The following ARHGAP42 variants were observed in gnomAD, a reference collection of about 807,000 sequenced individuals.
ARHGAP42 encodes rho GTPase-activating protein 42.
In ARHGAP42, 63 loss-of-function variants were observed where a neutral mutation model predicts 125.0. That is an observed-to-expected ratio of 0.50 (90% CI 0.41 to 0.62). The LOEUF (loss-of-function observed/expected upper bound fraction) is 0.62. Ranked by LOEUF, ARHGAP42 falls within the 20% of genes least tolerant of loss-of-function variation. The probability of loss-of-function intolerance (pLI) is 0.00; values close to 1 mark genes in which losing one functional copy is unlikely to be tolerated. For synonymous variants in ARHGAP42, 339 were observed against 351.0 expected (o/e 0.97, Z 0.38); for missense variants, 766 against 1,024.2 (o/e 0.75, Z 3.44).
chr11:100,688,699 A>C (rs1322139788), intron 1 of ARHGAP42, among the ~76,000 whole-genome samples: 1 of 152,148 alleles, frequency 6.6e-6, no homozygotes, highest in African/African-American at 2.4e-5. Context: ...CTTTCCCAGG[A>C]GGTATTTGCA....
intron 1 of ARHGAP42, among the ~76,000 whole-genome samples, chr11:100,710,393 AT>A (rs757284837): frequency 3.6e-3 from 492 of 138,190 alleles, no homozygotes; most frequent in Middle Eastern, 3.8e-3. Context: ...TGCCTGGCTA[AT>A]TTTTTTTTTT....
chr11:100,760,344 C>A (rs1236979), intron 1 of ARHGAP42, among the ~76,000 whole-genome samples: 21,097 of 152,118 alleles, frequency 0.14, 1,791 homozygotes, highest in Non-Finnish European at 0.2. Flanking sequence ...AGTCAAAAAA[C>A]ATAGAGGAAA....
chr11:100,712,127 C>T (rs373277734), intron 1 of ARHGAP42, among the ~76,000 whole-genome samples: 45 of 152,256 alleles, frequency 3.0e-4, no homozygotes, highest in African/African-American at 1.1e-3. Context: ...TCTAAAGGAA[C>T]CTTGAGTTTT....
intron 3 of ARHGAP42, among the ~76,000 whole-genome samples, chr11:100,822,627 T>A (rs187269193): frequency 6.6e-6 from 1 of 152,304 alleles, no homozygotes; most frequent in African/African-American, 2.4e-5. Context: ...TGATTTAATC[T>A]GAAAGACTTC....
intron 1 of ARHGAP42, among the ~76,000 whole-genome samples, chr11:100,736,134 G>A (rs1006435237): frequency 1.3e-5 from 2 of 152,208 alleles, no homozygotes; most frequent in African/African-American, 2.4e-5. Context: ...AGATGATAAT[G>A]TGGTTAGCCC....
chr11:100,880,755 T>C (rs2135175843), intron 4 of ARHGAP42, among the ~76,000 whole-genome samples: 1 of 152,274 alleles, frequency 6.6e-6, no homozygotes, highest in African/African-American at 2.4e-5. Flanking sequence ...CATGCCAACA[T>C]CTATTATTTT....
intron 4 of ARHGAP42, among the ~76,000 whole-genome samples, chr11:100,873,110 C>G (rs1003511293): frequency 1.3e-5 from 2 of 152,208 alleles, no homozygotes; most frequent in African/African-American, 4.8e-5. Flanking sequence ...TGGAAATTCT[C>G]CAGTCAGCAC....
intron 4 of ARHGAP42, among the ~76,000 whole-genome samples, chr11:100,904,268 G>A (rs113401411): frequency 0.024 from 3,604 of 149,062 alleles, 145 homozygotes; most frequent in African/African-American, 0.084. Flanking sequence ...TTTTGAGATG[G>A]AGTCTTGCTC....
intron 3 of ARHGAP42, 86 bp from the exon 4 acceptor site, chr11:100,859,468 T>G: frequency 8.9e-7 from 1 of 1,122,600 alleles, no homozygotes; most frequent in Non-Finnish European, 1.3e-6. Flanking sequence ...ACAGTCTATT[T>G]GATACATTGG....
intron 1 of ARHGAP42, among the ~76,000 whole-genome samples, chr11:100,768,791 C>T (rs1862896896): frequency 6.6e-6 from 1 of 152,182 alleles, no homozygotes; most frequent in Non-Finnish European, 1.5e-5. Flanking sequence ...GTGCCAGGCA[C>T]AGTTCTAAAC....
chr11:100,850,831 A>G (rs879739991), intron 3 of ARHGAP42, among the ~76,000 whole-genome samples: 1 of 149,966 alleles, frequency 6.7e-6, no homozygotes, highest in Non-Finnish European at 1.5e-5. Context: ...AGCACTGGTG[A>G]CAGTTTTAGC....
intron 3 of ARHGAP42, among the ~76,000 whole-genome samples, chr11:100,820,555 A>T (rs1429023460): frequency 1.3e-5 from 2 of 152,192 alleles, no homozygotes; most frequent in Non-Finnish European, 2.9e-5. Flanking sequence ...AACATGGTTA[A>T]GTGAGGCTTA....
intron 1 of ARHGAP42, among the ~76,000 whole-genome samples, chr11:100,736,551 G>A (rs1357361574): frequency 6.6e-6 from 1 of 152,164 alleles, no homozygotes; most frequent in Admixed American, 6.5e-5. Context: ...TCCCTGCAGG[G>A]TGTCTCTGTG....
chr11:100,791,063 C>T (rs1863555689), intron 2 of ARHGAP42, among the ~76,000 whole-genome samples: 1 of 152,058 alleles, frequency 6.6e-6, no homozygotes, highest in Non-Finnish European at 1.5e-5. Context: ...GTGATGGGTG[C>T]TGGGGGTAGT....
At chr11:100,897,615 G>T (rs1866398065) in intron 4 of ARHGAP42, among the ~76,000 whole-genome samples, 1 of 152,112 alleles carries the variant, frequency 6.6e-6, no homozygotes, top group South Asian at 2.1e-4. Flanking sequence ...GTGAATGGGA[G>T]TTCACTCATG....
chr11:100,783,825 C>T (rs901634667), intron 2 of ARHGAP42, among the ~76,000 whole-genome samples: 3 of 152,188 alleles, frequency 2.0e-5, no homozygotes, highest in African/African-American at 7.2e-5. Context: ...TTTGGATTCC[C>T]TAAACTTCTC....
At chr11:100,741,118 T>A (rs558130342) in intron 1 of ARHGAP42, among the ~76,000 whole-genome samples, 33 of 152,250 alleles carry the variant, frequency 2.2e-4, no homozygotes, top group Non-Finnish European at 4.1e-4. Flanking sequence ...TCAGCCTCCA[T>A]CTCCTGGGTT....
At chr11:100,783,697 A>G (rs529337426) in intron 2 of ARHGAP42, among the ~76,000 whole-genome samples, 9 of 152,228 alleles carry the variant, frequency 5.9e-5, no homozygotes, top group Non-Finnish European at 1.3e-4. Flanking sequence ...AGAATAAGAG[A>G]TGATTTTCAT....
intron 17 of ARHGAP42, among the ~76,000 whole-genome samples, chr11:100,968,027 G>T (rs1021438192): frequency 2.6e-5 from 4 of 152,072 alleles, no homozygotes; most frequent in African/African-American, 9.7e-5. Context: ...TGGCCAGATT[G>T]ATCCTTTTGT....
Sources: gnomAD v4.1 joint callset for allele counts (sites outside exome capture counted in the v4.1 genomes callset) on GRCh38, gnomAD v4.1.1 for gene constraint, MANE v1.5 for transcripts, NCBI Gene and HGNC (gene_info 2026-07-23, HGNC 2026-07-21) for gene names.